Variants in GLIS3 observed in about 807,000 individuals in gnomAD.
GLIS3 encodes GLIS family zinc finger 3, also known as zinc finger protein GLIS3.
Under a neutral mutation model 78.6 loss-of-function variants are expected in GLIS3, and 53 were observed. That is an observed-to-expected ratio of 0.67 (90% CI 0.54 to 0.85). GLIS3 has a LOEUF of 0.85. GLIS3 is among the 40% of genes least tolerant of loss of function. GLIS3 has a pLI of 0.00. For missense variants in GLIS3, 1,703 were observed against 1,231.1 expected (o/e 1.38, Z -5.74); for synonymous variants, 684 against 509.9 (o/e 1.34, Z -4.60).
chr9:4,295,086 T>C (rs1268983079), intron 1 of GLIS3, among the ~76,000 whole-genome samples: 1 of 152,236 alleles, frequency 6.6e-6, no homozygotes, highest in Non-Finnish European at 1.5e-5. Context: ...TGGGTAGGCA[T>C]GTTATTCTTG....
At chr9:4,337,010 T>A (rs1817765896) in intron 2 of GLIS3, among the ~76,000 whole-genome samples, 1 of 152,226 alleles carries the variant, frequency 6.6e-6, no homozygotes, top group Non-Finnish European at 1.5e-5. Context: ...AATCTAATAT[T>A]ACTAGTAAAT....
At chr9:4,143,948 G>C (rs1276164969) in intron 2 of GLIS3, among the ~76,000 whole-genome samples, 3 of 152,222 alleles carry the variant, frequency 2.0e-5, no homozygotes, top group Non-Finnish European at 4.4e-5. Context: ...AAGCCAGTGA[G>C]AAAGAAAAGA....
chr9:4,322,673 A>AT (rs1817551820), intron 2 of GLIS3, among the ~76,000 whole-genome samples: 2 of 152,112 alleles, frequency 1.3e-5, no homozygotes, highest in African/African-American at 4.8e-5. Context: ...GATGATGAGC[A>AT]TTTTTTCATG....
intron 4 of GLIS3, among the ~76,000 whole-genome samples, chr9:4,038,184 G>A (rs1588508933): frequency 6.6e-6 from 1 of 152,254 alleles, no homozygotes; most frequent in African/African-American, 2.4e-5. Context: ...AATTAATCAA[G>A]AGTTTTATTT....
At chr9:4,407,887 A>T in the GLIS3 span, among the ~76,000 whole-genome samples, 196 of 152,282 alleles carry the variant, frequency 1.3e-3, no homozygotes, top group African/African-American at 4.4e-3. Flanking sequence ...TTAATAATAG[A>T]ATATATAAGG....
chr9:3,855,476 C>G (rs944152152), intron 9 of GLIS3: 1 of 170,478 alleles, frequency 5.9e-6, no homozygotes, highest in South Asian at 1.4e-4. Context: ...AAGTAAAACA[C>G]AAGGTAGAGG....
intron 4 of GLIS3, among the ~76,000 whole-genome samples, chr9:4,111,558 G>A (rs987615642): frequency 6.6e-6 from 1 of 152,212 alleles, no homozygotes; most frequent in African/African-American, 2.4e-5. Context: ...TTTGACAGAT[G>A]CCTTATAGAC....
chr9:3,863,549 A>C (rs574122533), intron 8 of GLIS3, among the ~76,000 whole-genome samples: 1 of 152,364 alleles, frequency 6.6e-6, no homozygotes, highest in African/African-American at 2.4e-5. Flanking sequence ...AGGCTGGGTC[A>C]GTATTAACTG....
intron 4 of GLIS3, among the ~76,000 whole-genome samples, chr9:4,066,768 G>A (rs951182363): frequency 2.6e-5 from 4 of 152,228 alleles, no homozygotes; most frequent in Non-Finnish European, 4.4e-5. Flanking sequence ...TGAAGTGGAA[G>A]GAGTAATTCT....
chr9:4,101,594 T>A (rs913092821), intron 4 of GLIS3, among the ~76,000 whole-genome samples: 3 of 152,242 alleles, frequency 2.0e-5, no homozygotes, highest in African/African-American at 7.2e-5. Flanking sequence ...ATTATTTTTC[T>A]AGGGTAATAC....
chr9:4,369,517 G>C, the GLIS3 span, among the ~76,000 whole-genome samples: 3 of 152,160 alleles, frequency 2.0e-5, no homozygotes, highest in Non-Finnish European at 2.9e-5. Flanking sequence ...ATTGTCTTGA[G>C]AGAACATGGT....
intron 4 of GLIS3, among the ~76,000 whole-genome samples, chr9:4,007,680 A>G (rs1821664086): frequency 6.6e-6 from 1 of 152,186 alleles, no homozygotes; most frequent in South Asian, 2.1e-4. Context: ...GTAGGCACAC[A>G]TGGGCACACA....
chr9:4,314,770 T>C (rs10758600), intron 2 of GLIS3, among the ~76,000 whole-genome samples: 1 of 152,124 alleles, frequency 6.6e-6, no homozygotes, highest in Non-Finnish European at 1.5e-5. Context: ...GCTCTGGGAT[T>C]TTGGGCAAGT....
At chr9:4,424,666 G>A in the GLIS3 span, among the ~76,000 whole-genome samples, 1 of 152,020 alleles carries the variant, frequency 6.6e-6, no homozygotes, top group Non-Finnish European at 1.5e-5. Context: ...TGGGTTCAAG[G>A]GATCCTCCCG....
At chr9:4,038,221 C>G (rs1171287597) in intron 4 of GLIS3, among the ~76,000 whole-genome samples, 3 of 152,116 alleles carry the variant, frequency 2.0e-5, no homozygotes, top group Non-Finnish European at 4.4e-5. Context: ...CAGCCATATT[C>G]CAGTTTCGAC....
At chr9:4,322,831 A>G (rs10974457) in intron 2 of GLIS3, among the ~76,000 whole-genome samples, 32,488 of 152,052 alleles carry the variant, frequency 0.21, 3,732 homozygotes, top group East Asian at 0.37. Flanking sequence ...AGATGGGTAG[A>G]TTGCAAAAAT....
intron 9 of GLIS3, among the ~76,000 whole-genome samples, chr9:3,847,701 T>C (rs1819146743): frequency 6.6e-6 from 1 of 152,256 alleles, no homozygotes. Flanking sequence ...ACTCAGCATG[T>C]TGAAATGCTT....
At chr9:4,126,741 C>T (rs1189588446) in intron 2 of GLIS3, among the ~76,000 whole-genome samples, 3 of 152,200 alleles carry the variant, frequency 2.0e-5, no homozygotes, top group African/African-American at 7.2e-5. Flanking sequence ...TGAGCTGAAT[C>T]ATTCTAGACA....
the GLIS3 span, among the ~76,000 whole-genome samples, chr9:4,478,070 A>G: frequency 6.6e-6 from 1 of 152,222 alleles, no homozygotes; most frequent in African/African-American, 2.4e-5. Flanking sequence ...CTTTAGAGAA[A>G]TAACTGATTC....
Sources: gnomAD v4.1 joint callset for allele counts (sites outside exome capture counted in the v4.1 genomes callset) on GRCh38, gnomAD v4.1.1 for gene constraint, MANE v1.5 for transcripts, NCBI Gene and HGNC (gene_info 2026-07-23, HGNC 2026-07-21) for gene names.